Variants in CEP135 observed in about 807,000 individuals in gnomAD.
The protein encoded by CEP135 is centrosomal protein of 135 kDa.
Under a neutral mutation model 157.3 loss-of-function variants are expected in CEP135, and 142 were observed. That is an observed-to-expected ratio of 0.90 (90% confidence interval 0.79 to 1.04). The LOEUF (loss-of-function observed/expected upper bound fraction) is 1.04, where lower values mean the gene tolerates loss of function less well. CEP135 is among the 50% of genes least tolerant of loss of function. The pLI, the probability that CEP135 is intolerant of heterozygous loss-of-function variation, is 0.00. For synonymous variants in CEP135, 396 were observed against 439.8 expected, an observed-to-expected ratio of 0.90 and a Z score of 1.25; for missense variants, 1,317 against 1,309.2, an observed-to-expected ratio of 1.01 and a Z score of -0.09.
chr4:55,992,026 A>G lies in CEP135; in HGVS notation c.1950A>G (p.Gln650=). The change falls in exon 15 of 26, where the codon CAA becomes CAG. Residue 650 remains glutamine, a synonymous_variant. Coordinates refer to ENST00000257287, the MANE Select transcript of CEP135 (RefSeq NM_025009.5). ...SLENKLKVQA[Q]KFSHVAGDSS... ...AGAACAAATTAAAAGTCCAAGCTCAAAAATTTAGCCATGTGGCTGGTGACT... is the reference window on the plus strand; with the variant it reads ...AGAACAAATTAAAAGTCCAAGCTCAGAAATTTAGCCATGTGGCTGGTGACT... 1 of 1,611,078 alleles carries G rather than the reference A, an allele frequency of 6.2e-7. No homozygotes were observed. Among genetic ancestry groups the G allele is most frequent in the Non-Finnish European group, 8.5e-7 (1 of 1,179,170 alleles).
At position 56,024,615 on chromosome 4, in the gene CEP135, GT is replaced by G; in HGVS notation, c.*11+2del. On this transcript the variant is annotated splice_donor_variant, in intron 25 of 25. Coordinates refer to ENST00000257287, the MANE Select transcript of CEP135 (RefSeq NM_025009.5). LOFTEE classifies it low-confidence loss of function (3UTR_SPLICE). ...ATAGAAATGTGTAATTATCAGAAAG[GT>G]ATGTATGTAACACCAAGGACAGGCA... 1 of 1,574,062 alleles carries G rather than the reference GT, an allele frequency of 6.4e-7. No individual in the cohort carries two copies. The highest frequency in any genetic ancestry group is 8.7e-7 in the Non-Finnish European group (1 of 1,143,920).
intron 14 of CEP135, among the ~76,000 whole-genome samples, chr4:55,986,934 T>C (rs1729608971): frequency 6.6e-6 from 1 of 152,232 alleles, no homozygotes; most frequent in African/African-American, 2.4e-5. Context: ...ATGTGCCTGG[T>C]AATTTAATTT....
intron 12 of CEP135, among the ~76,000 whole-genome samples, chr4:55,980,629 A>C (rs1368792107): frequency 6.6e-6 from 1 of 152,208 alleles, no homozygotes; most frequent in Non-Finnish European, 1.5e-5. Flanking sequence ...CTATCAAAAC[A>C]GTGGGTAGCA....
At chr4:55,994,871 A>C (rs1313458525) in intron 15 of CEP135, among the ~76,000 whole-genome samples, 15 of 151,922 alleles carry the variant, frequency 9.9e-5, no homozygotes, top group Admixed American at 9.8e-4. Flanking sequence ...TTTTTAGTAG[A>C]GAAGGGGTTT....
chr4:55,959,661 T>A (rs761466910), intron 5 of CEP135, 21 bp from the exon 6 acceptor site: 3 of 1,598,056 alleles, frequency 1.9e-6, no homozygotes, highest in Non-Finnish European at 2.6e-6. Flanking sequence ...TGTATTGGCA[T>A]TAATTTAAAG....
At chr4:56,001,300 CT>C (rs1459567531) in intron 17 of CEP135, among the ~76,000 whole-genome samples, 1 of 152,082 alleles carries the variant, frequency 6.6e-6, no homozygotes, top group East Asian at 1.9e-4. Context: ...GTTGCCTGTG[CT>C]TTTAAAGTCT....
At chr4:55,981,763 A>T (rs1174433238) in intron 13 of CEP135, among the ~76,000 whole-genome samples, 4 of 152,138 alleles carry the variant, frequency 2.6e-5, no homozygotes, top group African/African-American at 9.7e-5. Flanking sequence ...CAATTCACCC[A>T]CTTAAAGTAT....
In CEP135 at chr4:56,031,930, A is replaced by G. The variant is rs762964350; in HGVS notation, c.*582A>G. On this transcript the variant is annotated 3_prime_UTR_variant, in exon 26 of 26. Coordinates refer to ENST00000257287, the MANE Select transcript of CEP135 (RefSeq NM_025009.5). ...TCTTGGTAAAATAACTACCATATAT[A>G]ACGTGTTATTGCCATCTAGAAGAAC... The G allele has an allele frequency of 2.0e-5, 3 of 152,212 alleles. No individual in the cohort carries two copies. Among genetic ancestry groups the G allele is most frequent in the Non-Finnish European group, 2.9e-5 (2 of 68,032 alleles). The allele number at this position is 152,212 out of a possible 1,614,324, so 9.4% of individuals were successfully genotyped here. A position where few individuals can be genotyped will look rare whatever the true frequency, so the allele number is the denominator to read the frequency against.
chr4:56,019,477 A>G lies in CEP135; in HGVS notation c.3137A>G (p.His1046Arg), dbSNP rs1159963248. 3.1e-6 allele frequency: 5 copies of G among 1,613,992 alleles called. No homozygotes were observed. The highest frequency in any genetic ancestry group is 4.2e-6 in the Non-Finnish European group (5 of 1,180,004). The change falls in exon 23 of 26, where the codon CAT (histidine) becomes CGT (arginine). Residue 1046 changes from histidine (H) to arginine (R), a missense_variant. By Grantham distance (29) the His-to-Arg change is conservative. Coordinates refer to ENST00000257287, the MANE Select transcript of CEP135 (RefSeq NM_025009.5). ...LLATNRDKEF[H>R]SHLTSHEKDT... is the part of the protein sequence containing the mutation. ...GCTACAAACAGAGATAAAGAATTTC[A>G]TTCTCACTTAACCTCCCACGAGAAG...
chr4:55,961,245 G>A lies in CEP135; in HGVS notation c.699+1479G>A, dbSNP rs147525747. Among the ~76,000 whole-genome samples the A allele has an allele frequency of 9.9e-5, 15 of 151,796 alleles. No homozygotes were observed. In the East Asian group the frequency reaches 2.7e-3, roughly 27 times the overall value. On this transcript the variant is annotated intron_variant, in intron 6 of 25. Transcript: ENST00000257287. The stretch of plus-strand genomic sequence containing the variant: ...ATAATTACACTTTCATTTTTTTCAG[G>A]TACTTTATGAACATAAACTTCTTAC...
chr4:55,985,267 A>G lies in CEP135; in HGVS notation c.1780-14A>G, dbSNP rs751524595. 9 of 1,456,532 alleles carry G rather than the reference A, an allele frequency of 6.2e-6. No homozygotes were observed. The South Asian group carries it at 9.3e-5, about 15-fold the overall frequency. 90.2% of individuals were successfully genotyped at this position (1,456,532 alleles called of 1,614,324 possible). A position where few individuals can be genotyped will look rare whatever the true frequency, so the allele number is the denominator to read the frequency against. ...CTGATACAAATGAACATTTTCTTTA[A>G]CATTCTTTTTCAGCATATTGAAGAA... On this transcript the variant is annotated splice_polypyrimidine_tract_variant and intron_variant, in intron 13 of 25. Transcript: ENST00000257287.
chr4:56,025,999 A>G (rs56154329), intron 25 of CEP135, among the ~76,000 whole-genome samples: 3,182 of 152,126 alleles, frequency 0.021, 114 homozygotes, highest in African/African-American at 0.073. Context: ...ACTTGAGGTC[A>G]GGAGTTCAAG....
At chr4:55,964,515 G>A in intron 7 of CEP135, 113 bp downstream of exon 7, 1 of 795,122 alleles carries the variant, frequency 1.3e-6, no homozygotes, top group Non-Finnish European at 1.8e-6. Flanking sequence ...GTTCACTGAG[G>A]TATTATTTGC....
At position 55,971,317 on chromosome 4, in the gene CEP135, C is replaced by T; in HGVS notation, c.1158C>T (p.Leu386=). 3.7e-6 allele frequency: 6 copies of T among 1,605,270 alleles called. No homozygotes were observed. The highest frequency in any genetic ancestry group is 4.3e-6 in the Non-Finnish European group (5 of 1,176,194). ...QKEKERLSDE[L]LVKSDLETVV... ...AAAAGGAGAGACTGAGTGATGAACT[C>T]CTTGTAAAATCAGACCTAGAAACTG... The change falls in exon 10 of 26, where the codon CTC becomes CTT. Residue 386 remains leucine (L), a synonymous_variant. Transcript: ENST00000257287.
chr4:55,954,508 A>G (rs1434637760), intron 4 of CEP135, 125 bp downstream of exon 4: 6 of 713,316 alleles, frequency 8.4e-6, no homozygotes, highest in Non-Finnish European at 1.3e-5. Context: ...GAAAATATAT[A>G]TTGAATAGAC....
intron 24 of CEP135, among the ~76,000 whole-genome samples, chr4:56,022,619 TAAG>T (rs1731007725): frequency 6.6e-6 from 1 of 152,016 alleles, no homozygotes; most frequent in Non-Finnish European, 1.5e-5. Context: ...TCAAGTTCTT[TAAG>T]AGTCTAGGCC....
chr4:56,010,992 C>T (rs1034098435), intron 19 of CEP135, among the ~76,000 whole-genome samples: 3 of 151,924 alleles, frequency 2.0e-5, no homozygotes, highest in Non-Finnish European at 2.9e-5. Context: ...CCAGCACTTT[C>T]GGAGACCAAA....
rs139076012 is a variant in CEP135, at chr4:55,992,042, G to T, written c.1966G>T (p.Ala656Ser). 2 of 1,608,096 alleles carry T rather than the reference G, an allele frequency of 1.2e-6. No homozygotes were observed. The highest frequency in any genetic ancestry group is 1.7e-5 in the Admixed American group (1 of 58,514). The change falls in exon 15 of 26, where the codon GCT becomes TCT. Residue 656 changes from alanine to serine, a missense_variant. By Grantham distance (99) the Ala-to-Ser change is moderately conservative (BLOSUM62 1). Transcript: ENST00000257287. ...CCAAGCTCAAAAATTTAGCCATGTGGCTGGTGACTCATCTCATCAGAAAAC... is the reference window on the plus strand; with the variant it reads ...CCAAGCTCAAAAATTTAGCCATGTGTCTGGTGACTCATCTCATCAGAAAAC... ...KVQAQKFSHV[A>S]GDSSHQKTEV...
chr4:55,998,872 CAA>C (rs1390810129), intron 15 of CEP135, among the ~76,000 whole-genome samples: 2 of 151,554 alleles, frequency 1.3e-5, no homozygotes, highest in Admixed American at 6.6e-5. Flanking sequence ...CTCAAACAAA[CAA>C]AAAAAAGAGC....
Sources: gnomAD v4.1 joint callset for allele counts (sites outside exome capture counted in the v4.1 genomes callset) on GRCh38, gnomAD v4.1.1 for gene constraint, MANE v1.5 for transcripts, NCBI Gene and HGNC (gene_info 2026-07-23, HGNC 2026-07-21) for gene names.